The following IARS1 variants were observed in gnomAD, a reference collection of about 807,000 sequenced individuals.
IARS1 encodes isoleucine--tRNA ligase, cytoplasmic.
IARS1 carries 124 observed loss-of-function variants against 168.2 expected under a neutral mutation model. That is an observed-to-expected ratio of 0.74 (90% confidence interval 0.64 to 0.86). The LOEUF (loss-of-function observed/expected upper bound fraction) is 0.86. IARS1 is among the 40% of genes least tolerant of loss of function. The probability of loss-of-function intolerance (pLI) is 0.00; values close to 1 mark genes in which losing one functional copy is unlikely to be tolerated. For missense variants in IARS1, 1,452 were observed against 1,515.8 expected (o/e 0.96, Z 0.70); for synonymous variants, 532 against 529.4 (o/e 1.00, Z -0.07).
chr9:92,259,789 G>C (rs1831255071), intron 18 of IARS1, among the ~76,000 whole-genome samples: 1 of 152,090 alleles, frequency 6.6e-6, no homozygotes, highest in South Asian at 2.1e-4. Context: ...ACATGGCTCT[G>C]TAAGTACAAA....
chr9:92,278,055 C>G, intron 8 of IARS1, 132 bp from the exon 9 acceptor site: 1 of 1,039,220 alleles, frequency 9.6e-7, no homozygotes, highest in East Asian at 2.4e-5. Context: ...TGTGTGACTG[C>G]AAAGTACTTA....
intron 28 of IARS1, 131 bp downstream of exon 28, chr9:92,243,085 A>G (rs1828675458): frequency 3.1e-6 from 2 of 639,068 alleles, no homozygotes; most frequent in South Asian, 1.8e-5. Context: ...TACATTCCAA[A>G]TGGACTATGG....
intron 20 of IARS1, 143 bp from the exon 21 acceptor site, chr9:92,253,596 A>G (rs1830311631): frequency 1.6e-6 from 1 of 631,740 alleles, no homozygotes; most frequent in Admixed American, 2.8e-5. Flanking sequence ...AAAATGAATC[A>G]ATCACATAAT....
rs1257344817 is a variant in IARS1 at position 92,268,237 on chromosome 9, T to C, written c.1368A>G (p.Thr456=). The C allele has an allele frequency of 6.2e-7, 1 of 1,611,958 alleles. No homozygotes were observed. The highest frequency in any genetic ancestry group is 2.2e-5 in the East Asian group (1 of 44,654). Residue 456 remains threonine, a synonymous_variant, in exon 14 of 34, where the codon ACA becomes ACG. Transcript: ENST00000443024. Reference sequence around the variant, plus strand: ...TGCCCCAGTATCTGTTTCTGGAAATTGTCCAGTCACGTGCATCTTTCAGCC... The same window carrying C: ...TGCCCCAGTATCTGTTTCTGGAAATCGTCCAGTCACGTGCATCTTTCAGCC... ...GNWLKDARDW[T]ISRNRYWGTP...
Position 92,245,022 on chromosome 9 carries a change from G to A in IARS1, c.2841C>T (p.Leu947=), listed in dbSNP as rs761930668. ...CTGTGGCCTGATCAAAGGTGTACAT[G>A]AGGCGGATGTCTTCATCGTGCAATT... ...GHELHDEDIR[L]MYTFDQATGG... is the part of the protein sequence containing the mutation. Residue 947 remains leucine, a synonymous_variant, in exon 27 of 34, where the codon CTC becomes CTT. Coordinates refer to ENST00000443024, the MANE Select transcript of IARS1 (RefSeq NM_002161.6). The A allele has an allele frequency of 6.2e-7, 1 of 1,614,232 alleles. No homozygotes were observed. The highest frequency in any genetic ancestry group is 1.7e-5 in the Admixed American group (1 of 60,032).
intron 1 of IARS1, among the ~76,000 whole-genome samples, chr9:92,291,737 C>CTAACAGA (rs1200601345): frequency 6.6e-6 from 1 of 152,180 alleles, no homozygotes; most frequent in East Asian, 1.9e-4. Context: ...TATCTGAAGA[C>CTAACAGA]TAACAGACCT....
At chr9:92,214,358 C>G (rs532508223) in intron 33 of IARS1, among the ~76,000 whole-genome samples, 7 of 152,152 alleles carry the variant, frequency 4.6e-5, no homozygotes, top group Admixed American at 1.3e-4. Context: ...GAGTTTGAGA[C>G]CAGCCTGGCC....
rs761410872 is a variant in IARS1, at chr9:92,253,437, A to G, written c.2154T>C (p.Thr718=). ...CAAACTTGACCAGGCGAGGCACCAC[A>G]GTATAAAGCCTATAAGCTAAAAGTA... The part of the protein sequence containing the change: ...ETEMAAYRLY[T]VVPRLVKFVD... Residue 718 remains threonine (T), a synonymous_variant, in exon 21 of 34, where the codon ACT becomes ACC. Transcript: ENST00000443024. The G allele has an allele frequency of 3.7e-6, 6 of 1,612,912 alleles. No individual in the cohort carries two copies. Among genetic ancestry groups the G allele is most frequent in the African/African-American group, 1.3e-5 (1 of 74,910 alleles).
intron 13 of IARS1, 28 bp downstream of exon 13, chr9:92,269,857 C>T (rs1483263243): frequency 6.8e-7 from 1 of 1,468,990 alleles, no homozygotes; most frequent in African/African-American, 1.4e-5. Context: ...ACAAAAGACA[C>T]TATGAAGAAA....
chr9:92,215,213 T>G (rs928204660), intron 33 of IARS1, among the ~76,000 whole-genome samples: 2 of 152,230 alleles, frequency 1.3e-5, no homozygotes, highest in Non-Finnish European at 2.9e-5. Context: ...TTGAGGGTCC[T>G]GTCTGTCAGA....
At chr9:92,257,239 A>T (rs914593954) in intron 19 of IARS1, among the ~76,000 whole-genome samples, 2 of 152,076 alleles carry the variant, frequency 1.3e-5, no homozygotes, top group African/African-American at 4.8e-5. Flanking sequence ...GTTCTATCCC[A>T]CTCTTTTTGC....
chr9:92,234,178 T>TA (rs1305433567), intron 30 of IARS1, among the ~76,000 whole-genome samples: 2 of 152,234 alleles, frequency 1.3e-5, no homozygotes, highest in Non-Finnish European at 2.9e-5. Context: ...ATGTTTATCT[T>TA]ACATCCTGTG....
Position 92,288,236 on chromosome 9 carries a change from A to G in IARS1, c.166T>C (p.Tyr56His). The G allele has an allele frequency of 6.2e-7, 1 of 1,614,052 alleles. No individual in the cohort carries two copies. Among genetic ancestry groups the G allele is most frequent in the Non-Finnish European group, 8.5e-7 (1 of 1,179,902 alleles). Residue 56 changes from tyrosine to histidine, a missense_variant, in exon 3 of 34, where the codon TAT becomes CAT. Coordinates refer to ENST00000443024, the MANE Select transcript of IARS1 (RefSeq NM_002161.6). ...GPPFATGLPH[Y>H]GHILAGTIKD... The stretch of plus-strand genomic sequence containing the variant: ...ATTGTACCCGCAAGTATATGTCCAT[A>G]GTGAGGCAGTCCAGTTGCAAAAGGA...
At chr9:92,258,746 C>G in intron 19 of IARS1, 108 bp downstream of exon 19, 2 of 1,150,586 alleles carry the variant, frequency 1.7e-6, no homozygotes, top group Non-Finnish European at 2.4e-6. Context: ...CATCAGGCAG[C>G]AGAGAACAGC....
chr9:92,248,726 C>T (rs535458440), intron 25 of IARS1, among the ~76,000 whole-genome samples: 3 of 148,524 alleles, frequency 2.0e-5, no homozygotes, highest in African/African-American at 7.4e-5. Context: ...AATTTAAAAT[C>T]TAACTTTTGG....
At chr9:92,259,511 A>C (rs1831216128) in intron 18 of IARS1, among the ~76,000 whole-genome samples, 1 of 152,222 alleles carries the variant, frequency 6.6e-6, no homozygotes, top group African/African-American at 2.4e-5. Flanking sequence ...AGCAGTGCCA[A>C]GGGTGAGTCT....
At chr9:92,219,112 A>G (rs1209624006) in intron 33 of IARS1, among the ~76,000 whole-genome samples, 1 of 152,180 alleles carries the variant, frequency 6.6e-6, no homozygotes, top group Non-Finnish European at 1.5e-5. Flanking sequence ...CCTCAGAAAT[A>G]ACGCCACGTA....
chr9:92,246,032 T>A (rs1450709201), intron 26 of IARS1, among the ~76,000 whole-genome samples: 5 of 152,166 alleles, frequency 3.3e-5, no homozygotes, highest in Admixed American at 2.0e-4. Flanking sequence ...CGCCTCGGCC[T>A]CCCAAAGTGC....
intron 1 of IARS1, among the ~76,000 whole-genome samples, chr9:92,290,285 G>A (rs531137237): frequency 9.9e-5 from 15 of 152,118 alleles, no homozygotes; most frequent in Non-Finnish European, 2.1e-4. Flanking sequence ...GTTTTGATTT[G>A]CATTTCCCTA....
Sources: gnomAD v4.1 joint callset for allele counts (sites outside exome capture counted in the v4.1 genomes callset) on GRCh38, gnomAD v4.1.1 for gene constraint, MANE v1.5 for transcripts, NCBI Gene and HGNC (gene_info 2026-07-23, HGNC 2026-07-21) for gene names.